Variants in KIF5C observed in about 807,000 individuals in gnomAD.
The protein encoded by KIF5C is kinesin heavy chain isoform 5C.
A neutral mutation model predicts 125.2 loss-of-function variants in KIF5C; 18 were observed. That is an observed-to-expected ratio of 0.14 (90% CI 0.10 to 0.21). The LOEUF is 0.21. KIF5C is among the 10% of genes least tolerant of loss of function. The pLI is 1.00. For synonymous variants in KIF5C, 405 were observed against 434.0 expected, an observed-to-expected ratio of 0.93 and a Z score of 0.83; for missense variants, 780 against 1,183.8, an observed-to-expected ratio of 0.66 and a Z score of 5.01.
intron 1 of KIF5C, among the ~76,000 whole-genome samples, chr2:148,906,876 G>A (rs1344617352): frequency 2.6e-5 from 4 of 151,404 alleles, no homozygotes; most frequent in Non-Finnish European, 5.9e-5. Context: ...AAAATAAATA[G>A]ATAAATTAAT....
chr2:149,009,800 A>AT lies in KIF5C; in HGVS notation c.2551-334dup, dbSNP rs562482586. 1.8e-3 allele frequency among the ~76,000 whole-genome samples: 274 copies of AT among 152,302 alleles called. 3 individuals are homozygous for AT. Among genetic ancestry groups the AT allele is most frequent in the African/African-American group, 5.8e-3 (240 of 41,570 alleles). On this transcript the variant is annotated intron_variant, in intron 23 of 25. Transcript: ENST00000435030. ...TTTCTCATGCTAATTTAGTATTCTCATATGTGGTCGATTTTCTCACACAAT... is the reference window on the plus strand; with the variant it reads ...TTTCTCATGCTAATTTAGTATTCTCATTATGTGGTCGATTTTCTCACACAAT...
Position 149,010,245 on chromosome 2 carries a change from G to T in KIF5C, c.2661G>T (p.Lys887Asn). 1 of 1,585,786 alleles carries T rather than the reference G, an allele frequency of 6.3e-7. No homozygotes were observed. Among genetic ancestry groups the T allele is most frequent in the Non-Finnish European group, 8.6e-7 (1 of 1,166,658 alleles). ...KALESALKEA[K>N]ENAMRDRKRY... ...TGGAGAGCGCGCTGAAGGAGGCCAA[G>T]GAGAACGCCATGCGGGACCGTAAGC... Residue 887 changes from lysine (K) to asparagine (N), a missense_variant, in exon 24 of 26, where the codon AAG (lysine) becomes AAT (asparagine). Lys to Asn is a moderately conservative substitution (Grantham distance 94). This residue lies in a region of KIF5C where 573 missense variants were observed against 742.6 expected (regional missense o/e 0.77). Coordinates refer to ENST00000435030, the MANE Select transcript of KIF5C (RefSeq NM_004522.3).
Position 148,946,972 on chromosome 2 carries a change from A to G in KIF5C, c.663A>G (p.Glu221=). 6.2e-7 allele frequency: 1 copy of G among 1,613,538 alleles called. No individual in the cohort carries two copies. The highest frequency in any genetic ancestry group is 8.5e-7 in the Non-Finnish European group (1 of 1,179,752). ...INIKQENVET[E]KKLSGKLYLV... ...TTAAACAAGAGAATGTAGAGACTGAAAAAAAACTCAGTGGGAAACTTTATT... is the reference window on the plus strand; with the variant it reads ...TTAAACAAGAGAATGTAGAGACTGAGAAAAAACTCAGTGGGAAACTTTATT... Residue 221 remains glutamate, a synonymous_variant, in exon 8 of 26, where the codon GAA becomes GAG. Coordinates refer to ENST00000435030, the MANE Select transcript of KIF5C (RefSeq NM_004522.3).
intron 12 of KIF5C, among the ~76,000 whole-genome samples, 181 bp from the exon 13 acceptor site, chr2:148,978,741 G>T (rs531348738): frequency 6.6e-6 from 1 of 152,284 alleles, no homozygotes; most frequent in East Asian, 1.9e-4. Context: ...TGCTGAGAAA[G>T]GTGGGTGAGG....
chr2:148,941,149 A>G (rs1411721606), intron 4 of KIF5C, among the ~76,000 whole-genome samples: 2 of 152,126 alleles, frequency 1.3e-5, no homozygotes, highest in Non-Finnish European at 2.9e-5. Flanking sequence ...GCTCTTGCTC[A>G]GTTACCTTTC....
At chr2:148,979,035 A>G (rs746316968) in intron 13 of KIF5C, 45 bp downstream of exon 13, 5 of 1,492,160 alleles carry the variant, frequency 3.4e-6, no homozygotes. Context: ...TTCTTCTATT[A>G]CTCTTTGTTG....
chr2:148,923,448 T>G (rs1374511055), intron 2 of KIF5C, among the ~76,000 whole-genome samples: 1 of 152,228 alleles, frequency 6.6e-6, no homozygotes, highest in Admixed American at 6.5e-5. Context: ...TCGAGCTCTT[T>G]CTGAATTAAT....
chr2:149,000,643 T>C, intron 20 of KIF5C, 79 bp from the exon 21 acceptor site: 1 of 1,592,738 alleles, frequency 6.3e-7, no homozygotes, highest in East Asian at 2.2e-5. Context: ...GTTTTGTTGA[T>C]TTATCTGTGG....
chr2:148,998,558 C>G (rs1681746164), intron 19 of KIF5C, 49 bp downstream of exon 19: 1 of 1,548,718 alleles, frequency 6.5e-7, no homozygotes, highest in Non-Finnish European at 8.7e-7. Flanking sequence ...ATGCCTCGGT[C>G]CTCTTGGGGA....
intron 1 of KIF5C, among the ~76,000 whole-genome samples, chr2:148,898,440 A>T (rs965394696): frequency 6.6e-6 from 1 of 152,236 alleles, no homozygotes; most frequent in Non-Finnish European, 1.5e-5. Context: ...GTTATGTTGC[A>T]TGACCAGTGG....
intron 1 of KIF5C, among the ~76,000 whole-genome samples, chr2:148,899,282 T>C (rs1680790880): frequency 6.6e-6 from 1 of 152,202 alleles, no homozygotes; most frequent in South Asian, 2.1e-4. Context: ...TGCTTTATTG[T>C]TAAATACCAT....
At chr2:148,925,394 A>AT (rs1681950414) in intron 2 of KIF5C, among the ~76,000 whole-genome samples, 1 of 152,202 alleles carries the variant, frequency 6.6e-6, no homozygotes, top group Admixed American at 6.5e-5. Context: ...ATTATCTTAT[A>AT]TATGACTCTG....
intron 17 of KIF5C, 64 bp downstream of exon 17, chr2:148,994,602 C>A: frequency 6.6e-7 from 1 of 1,515,934 alleles, no homozygotes. Context: ...CTCTGGTTGG[C>A]TGGAATCATG....
At chr2:148,943,737 A>C (rs766220548) in intron 7 of KIF5C, among the ~76,000 whole-genome samples, 1 of 152,148 alleles carries the variant, frequency 6.6e-6, no homozygotes, top group Admixed American at 6.5e-5. Flanking sequence ...TGTAAAAGAG[A>C]TTCAGGCATT....
intron 1 of KIF5C, among the ~76,000 whole-genome samples, chr2:148,920,829 G>A (rs1681754935): frequency 6.6e-6 from 1 of 152,206 alleles, no homozygotes; most frequent in South Asian, 2.1e-4. Flanking sequence ...GAGTCCCACT[G>A]TCCTTGGGTG....
At chr2:148,947,955 A>G in intron 8 of KIF5C, 1 of 456,702 alleles carries the variant, frequency 2.2e-6, no homozygotes, top group Non-Finnish European at 4.4e-6. Flanking sequence ...GGCCACTTAC[A>G]TCCACGTGAG....
intron 8 of KIF5C, among the ~76,000 whole-genome samples, chr2:148,949,110 T>C (rs756518707): frequency 6.6e-6 from 1 of 152,178 alleles, no homozygotes; most frequent in Non-Finnish European, 1.5e-5. Context: ...ATGAATCATG[T>C]TGAGTTCCCT....
intron 15 of KIF5C, among the ~76,000 whole-genome samples, chr2:148,986,226 T>C (rs904962745): frequency 1.3e-5 from 2 of 152,242 alleles, no homozygotes; most frequent in Non-Finnish European, 2.9e-5. Context: ...AGTCTTTACC[T>C]TTGGGAATCT....
intron 10 of KIF5C, among the ~76,000 whole-genome samples, chr2:148,951,584 T>C (rs1198485214): frequency 2.0e-5 from 3 of 152,168 alleles, no homozygotes; most frequent in Non-Finnish European, 4.4e-5. Flanking sequence ...TTCTGTGGAT[T>C]GGGCGATCTG....
Sources: gnomAD v4.1 joint callset for allele counts (sites outside exome capture counted in the v4.1 genomes callset) on GRCh38, gnomAD v4.1.1 for gene constraint, gnomAD v4.1.1 regional missense constraint, MANE v1.5 for transcripts, NCBI Gene and HGNC (gene_info 2026-07-23, HGNC 2026-07-21) for gene names.